TENM1: variants seen among roughly 807,000 people sequenced by gnomAD.
TENM1 encodes teneurin-1.
Under a neutral mutation model 174.8 loss-of-function variants are expected in TENM1, and 35 were observed. The observed-to-expected ratio is 0.20, with a 90% CI of 0.15 to 0.27. The LOEUF (loss-of-function observed/expected upper bound fraction) is 0.27, where lower values mean the gene tolerates loss of function less well. TENM1 is among the 10% of genes least tolerant of loss of function. The probability of loss-of-function intolerance (pLI) is 1.00; values close to 1 mark genes in which losing one functional copy is unlikely to be tolerated. For synonymous variants in TENM1, 781 were observed against 798.7 expected, an observed-to-expected ratio of 0.98 and a Z score of 0.37; for missense variants, 1,633 against 2,130.1, an observed-to-expected ratio of 0.77 and a Z score of 4.59.
chrX:124,608,736 A>C (rs1293691269), intron 11 of TENM1, among the ~76,000 whole-genome samples: 1 of 110,414 alleles, frequency 9.1e-6, no homozygotes, highest in African/African-American at 3.3e-5. Flanking sequence ...AACTGAGCTC[A>C]GATTAATAGT....
intron 15 of TENM1, among the ~76,000 whole-genome samples, chrX:124,530,880 C>T (rs1014414148): frequency 1.8e-5 from 2 of 112,134 alleles, no homozygotes; most frequent in Non-Finnish European, 1.9e-5. Flanking sequence ...AGACTTTCAG[C>T]GCTAGCCTGG....
At chrX:124,681,508 C>A (rs1458745651) in intron 5 of TENM1, among the ~76,000 whole-genome samples, 1 of 111,717 alleles carries the variant, frequency 9.0e-6, no homozygotes, top group East Asian at 2.8e-4. Context: ...TTGGCTGGAT[C>A]CTATGTATTA....
the TENM1 span, among the ~76,000 whole-genome samples, chrX:125,190,785 A>G: frequency 2.7e-5 from 3 of 111,155 alleles, no homozygotes; most frequent in African/African-American, 9.8e-5. Flanking sequence ...TATATAGTCT[A>G]ATTACAGAAA....
At chrX:124,437,154 G>C (rs1339930490) in intron 23 of TENM1, among the ~76,000 whole-genome samples, 2 of 67,784 alleles carry the variant, frequency 3.0e-5, no homozygotes, top group Non-Finnish European at 5.1e-5. Flanking sequence ...GTTTTGCCAT[G>C]TTGGCCAGGT....
chrX:124,755,492 A>G (rs1476362430), intron 3 of TENM1, among the ~76,000 whole-genome samples: 5 of 110,823 alleles, frequency 4.5e-5, no homozygotes, highest in African/African-American at 1.6e-4. Context: ...ATTTACATTT[A>G]AAGTTAATAT....
intron 6 of TENM1, among the ~76,000 whole-genome samples, chrX:124,664,663 C>T (rs922548537): frequency 1.0e-5 from 1 of 100,332 alleles, no homozygotes; most frequent in Middle Eastern, 4.9e-3. Flanking sequence ...TTTTCAATTC[C>T]CAAGAGTACT....
chrX:124,562,669 A>G (rs1019505313), intron 13 of TENM1, among the ~76,000 whole-genome samples: 1 of 112,660 alleles, frequency 8.9e-6, no homozygotes, highest in Non-Finnish European at 1.9e-5. Flanking sequence ...TACTCTTTGT[A>G]CCCGTAGTCT....
intron 5 of TENM1, among the ~76,000 whole-genome samples, chrX:124,704,762 T>G (rs1008811707): frequency 1.8e-5 from 2 of 110,942 alleles, no homozygotes; most frequent in Non-Finnish European, 3.8e-5. Context: ...AATGGTTAAC[T>G]ACAGTAATTG....
chrX:124,540,671 G>A (rs768517741), intron 15 of TENM1, among the ~76,000 whole-genome samples: 1 of 111,897 alleles, frequency 8.9e-6, no homozygotes, highest in East Asian at 2.8e-4. Context: ...ATGACTAATC[G>A]GGAACAAGAA....
intron 1 of TENM1, among the ~76,000 whole-genome samples, chrX:124,958,097 G>C (rs770744986): frequency 1.8e-5 from 2 of 111,595 alleles, no homozygotes; most frequent in Non-Finnish European, 3.8e-5. Context: ...CCTGCCAAAA[G>C]TCATATGAAA....
At chrX:124,480,379 T>G (rs2046816251) in intron 22 of TENM1, among the ~76,000 whole-genome samples, 1 of 112,309 alleles carries the variant, frequency 8.9e-6, no homozygotes. Flanking sequence ...CTAGTAGGAA[T>G]TCAATCCCAA....
chrX:124,950,335 C>G (rs974532471), intron 1 of TENM1, among the ~76,000 whole-genome samples: 1 of 111,668 alleles, frequency 9.0e-6, no homozygotes, highest in African/African-American at 3.3e-5. Flanking sequence ...AATACTTGAC[C>G]TATTACGTGC....
rs762051459 is a variant in TENM1 at position 124,896,252 on chromosome X, A to G, written c.218-11T>C. 1 of 1,197,250 alleles carries G rather than the reference A, an allele frequency of 8.4e-7. No individual in the cohort carries two copies. The highest frequency in any genetic ancestry group is 1.1e-6 in the Non-Finnish European group (1 of 886,904). On this transcript the variant is annotated splice_polypyrimidine_tract_variant and intron_variant, in intron 1 of 31. Transcript: ENST00000422452. ...CACAGAATTCCATCTCTGAGAAGAA[A>G]CAAAGTTCAGAGAAAACGTTTAGAA...
the TENM1 span, among the ~76,000 whole-genome samples, chrX:125,097,881 T>C: frequency 5.6e-3 from 637 of 112,747 alleles, 3 homozygotes; most frequent in African/African-American, 0.019. Context: ...CTACGCCTAC[T>C]GATATACCTT....
the TENM1 span, among the ~76,000 whole-genome samples, chrX:125,068,996 C>T: frequency 4.4e-4 from 49 of 111,744 alleles, no homozygotes; most frequent in African/African-American, 1.5e-3. Context: ...GTGGCCAACA[C>T]AAGCCAATAG....
intron 2 of TENM1, among the ~76,000 whole-genome samples, chrX:124,894,898 G>A (rs903277136): frequency 4.5e-5 from 5 of 111,079 alleles, no homozygotes; most frequent in African/African-American, 1.6e-4. Flanking sequence ...ATTTCCGTAC[G>A]TTACTTCCTA....
At chrX:125,048,094 T>C in the TENM1 span, among the ~76,000 whole-genome samples, 1 of 111,616 alleles carries the variant, frequency 9.0e-6, no homozygotes, top group South Asian at 3.7e-4. Context: ...AAGCAAAATA[T>C]ACTTTCTGCA....
At chrX:124,593,883 T>C (rs975414702) in intron 11 of TENM1, among the ~76,000 whole-genome samples, 3 of 112,200 alleles carry the variant, frequency 2.7e-5, no homozygotes, top group Non-Finnish European at 5.6e-5. Context: ...TCCGTAGTTC[T>C]GGCTGTGGAG....
At chrX:125,045,354 A>G in the TENM1 span, among the ~76,000 whole-genome samples, 1 of 111,440 alleles carries the variant, frequency 9.0e-6, no homozygotes. Flanking sequence ...TTTGTTTTCT[A>G]ATGGTTAGTT....
Sources: gnomAD v4.1 joint callset for allele counts (sites outside exome capture counted in the v4.1 genomes callset) on GRCh38, gnomAD v4.1.1 for gene constraint, MANE v1.5 for transcripts, NCBI Gene and HGNC (gene_info 2026-07-23, HGNC 2026-07-21) for gene names.